GPC6: variants seen among roughly 807,000 people sequenced by gnomAD.
The protein encoded by GPC6 is glypican-6.
GPC6 carries 14 observed loss-of-function variants against 55.2 expected under a neutral mutation model. The ratio of observed to expected loss-of-function variants is 0.25; its 90% CI spans 0.17 to 0.40. The LOEUF is 0.40. Among genes scored for constraint, GPC6 ranks in the 10% least tolerant of loss-of-function variants. The pLI is 1.00. For missense variants in GPC6, 641 were observed against 708.5 expected (o/e 0.90, Z 1.08); for synonymous variants, 278 against 259.6 (o/e 1.07, Z -0.68).
At chr13:93,817,849 C>T (rs9524238) in intron 2 of GPC6, among the ~76,000 whole-genome samples, 5 of 147,916 alleles carry the variant, frequency 3.4e-5, no homozygotes, top group African/African-American at 1.0e-4. Flanking sequence ...CAGAGTGAGA[C>T]CCTGTTTCAA....
At chr13:94,269,302 G>T (rs1362365917) in intron 4 of GPC6, among the ~76,000 whole-genome samples, 1 of 152,140 alleles carries the variant, frequency 6.6e-6, no homozygotes, top group Non-Finnish European at 1.5e-5. Flanking sequence ...GCTAGATAAT[G>T]CTGTCCCCAT....
At chr13:93,346,820 T>G (rs1880446449) in intron 1 of GPC6, among the ~76,000 whole-genome samples, 1 of 152,176 alleles carries the variant, frequency 6.6e-6, no homozygotes, top group Admixed American at 6.6e-5. Flanking sequence ...TCTGTTGAAA[T>G]TTTTGGATAG....
chr13:94,258,114 A>AAAGCCAT (rs1891556697), intron 4 of GPC6, among the ~76,000 whole-genome samples: 1 of 152,210 alleles, frequency 6.6e-6, no homozygotes, highest in Non-Finnish European at 1.5e-5. Context: ...AATCATATAC[A>AAAGCCAT]AAGCCATAGC....
In GPC6 at chr13:93,231,330, CGTAT is replaced by C. The variant is rs1332367595; in HGVS notation, c.160+3715_160+3718del. Reference sequence around the variant, plus strand: ...TCCTCATTTCATATATATATATATACGTATATATATATATACATATATATATATA... The same window carrying C: ...TCCTCATTTCATATATATATATATACATATATATATACATATATATATATA... On this transcript the variant is annotated intron_variant, in intron 1 of 8. Transcript: ENST00000377047. Among the ~76,000 whole-genome samples, 12 of 23,328 alleles carry C rather than the reference CGTAT, an allele frequency of 5.1e-4. 1 individual carries two copies. The highest frequency in any genetic ancestry group is 7.7e-4 in the Non-Finnish European group (10 of 12,922). The allele number at this position is 23,328 out of a possible 152,430, so 15.3% of individuals were successfully genotyped here. A position where few individuals can be genotyped will look rare whatever the true frequency, so the allele number is the denominator to read the frequency against.
At chr13:94,335,551 A>G (rs1877640194) in intron 6 of GPC6, among the ~76,000 whole-genome samples, 2 of 152,126 alleles carry the variant, frequency 1.3e-5, no homozygotes, top group African/African-American at 4.8e-5. Context: ...TTTGACATCT[A>G]GTAGGATAAA....
chr13:94,207,649 C>A (rs759702699), intron 4 of GPC6, among the ~76,000 whole-genome samples: 4 of 151,870 alleles, frequency 2.6e-5, no homozygotes, highest in Non-Finnish European at 5.9e-5. Flanking sequence ...CTTTTTTTCC[C>A]CCTTAGGTGA....
At chr13:94,318,506 G>A (rs536877707) in intron 6 of GPC6, among the ~76,000 whole-genome samples, 39 of 152,192 alleles carry the variant, frequency 2.6e-4, no homozygotes, top group Admixed American at 4.6e-4. Context: ...TCGTGCGTGC[G>A]CTCTCTAAAT....
intron 2 of GPC6, among the ~76,000 whole-genome samples, chr13:93,747,582 C>T (rs551683245): frequency 5.5e-4 from 83 of 152,266 alleles, no homozygotes; most frequent in Non-Finnish European, 9.1e-4. Context: ...CTTTTGGCTG[C>T]GTATGTGACT....
In GPC6 at chr13:93,685,525, C is replaced by A. The variant is rs561202748; in HGVS notation, c.319+140104C>A. ...TGCCAGAGAATGTATAAGCTTAACACCTGCCATTTAAAATTAATTATGAAA... is the reference window on the plus strand; with the variant it reads ...TGCCAGAGAATGTATAAGCTTAACAACTGCCATTTAAAATTAATTATGAAA... On this transcript the variant is annotated intron_variant, in intron 2 of 8. Transcript: ENST00000377047. 2.0e-5 allele frequency among the ~76,000 whole-genome samples: 3 copies of A among 152,242 alleles called. No individual in the cohort carries two copies. In the East Asian group the frequency reaches 5.8e-4, roughly 29 times the overall value.
upstream of GPC6, among the ~76,000 whole-genome samples, chr13:93,223,781 T>G (rs1875683128): frequency 6.6e-6 from 1 of 152,080 alleles, no homozygotes; most frequent in African/African-American, 2.4e-5. Flanking sequence ...GTAATTCTTC[T>G]TGTGTATTGA....
chr13:94,236,335 A>G (rs2139019463), intron 4 of GPC6, among the ~76,000 whole-genome samples: 1 of 149,276 alleles, frequency 6.7e-6, no homozygotes, highest in Non-Finnish European at 1.5e-5. Context: ...TGTAATCAGC[A>G]GGAACTTTGT....
At chr13:93,725,507 T>G (rs997484110) in intron 2 of GPC6, among the ~76,000 whole-genome samples, 8 of 151,972 alleles carry the variant, frequency 5.3e-5, no homozygotes, top group Non-Finnish European at 1.0e-4. Flanking sequence ...ATTATAGAGC[T>G]TGAAATAAAA....
At chr13:93,531,587 C>T (rs1032932445) in intron 1 of GPC6, among the ~76,000 whole-genome samples, 1 of 152,224 alleles carries the variant, frequency 6.6e-6, no homozygotes, top group East Asian at 1.9e-4. Context: ...ACAGCAACAC[C>T]TACATTAGTG....
chr13:93,368,799 T>C (rs1881351921), intron 1 of GPC6, among the ~76,000 whole-genome samples: 3 of 152,152 alleles, frequency 2.0e-5, no homozygotes, highest in Admixed American at 2.0e-4. Context: ...TGGTTGTTAA[T>C]GGACAGTCTA....
At chr13:93,246,353 A>G (rs1377224430) in intron 1 of GPC6, among the ~76,000 whole-genome samples, 2 of 152,128 alleles carry the variant, frequency 1.3e-5, no homozygotes, top group Non-Finnish European at 2.9e-5. Context: ...TTGTGCCCCC[A>G]GGACAGCTGA....
At chr13:93,803,041 A>C (rs1886428209) in intron 2 of GPC6, among the ~76,000 whole-genome samples, 1 of 152,130 alleles carries the variant, frequency 6.6e-6, no homozygotes, top group Non-Finnish European at 1.5e-5. Context: ...TTATATTTTG[A>C]GTTTAGTATT....
chr13:93,480,990 A>G (rs897383971), intron 1 of GPC6, among the ~76,000 whole-genome samples: 4 of 152,140 alleles, frequency 2.6e-5, no homozygotes, highest in Non-Finnish European at 5.9e-5. Context: ...CGGTAGTTCC[A>G]TATTTGACTG....
intron 2 of GPC6, among the ~76,000 whole-genome samples, chr13:93,695,807 A>G (rs1476195372): frequency 6.6e-6 from 1 of 152,076 alleles, no homozygotes; most frequent in Non-Finnish European, 1.5e-5. Context: ...CATTGCTGAT[A>G]TTAATTGGTA....
At chr13:93,727,614 T>C (rs943861559) in intron 2 of GPC6, among the ~76,000 whole-genome samples, 17 of 152,280 alleles carry the variant, frequency 1.1e-4, no homozygotes, top group African/African-American at 4.1e-4. Context: ...TGTTATAACA[T>C]GAAACCACAA....
Sources: allele counts gnomAD v4.1 joint callset (sites outside exome capture counted in the v4.1 genomes callset), GRCh38; gene constraint gnomAD v4.1.1; transcripts MANE v1.5; gene names NCBI Gene and HGNC (gene_info 2026-07-23, HGNC 2026-07-21).